PDE3B: variants seen among roughly 807,000 people sequenced by gnomAD.
PDE3B encodes the protein phosphodiesterase 3B, also known as cGMP-inhibited 3',5'-cyclic phosphodiesterase 3B.
PDE3B carries 66 observed loss-of-function variants against 116.8 expected under a neutral mutation model. The observed-to-expected ratio is 0.56, with a 90% CI of 0.46 to 0.69. PDE3B has a LOEUF of 0.69. PDE3B is among the 30% of genes least tolerant of loss of function. The pLI is 0.00. For missense variants in PDE3B, 1,384 were observed against 1,368.1 expected, an observed-to-expected ratio of 1.01 and a Z score of -0.18; for synonymous variants, 595 against 533.6, an observed-to-expected ratio of 1.12 and a Z score of -1.59.
At chr11:14,851,345 G>A (rs1847747418) in intron 12 of PDE3B, among the ~76,000 whole-genome samples, 1 of 151,906 alleles carries the variant, frequency 6.6e-6, no homozygotes, top group Non-Finnish European at 1.5e-5. Flanking sequence ...TTCATTTTCT[G>A]TAGCCATTTT....
chr11:14,846,618 A>C (rs1023654088), intron 12 of PDE3B, among the ~76,000 whole-genome samples: 2 of 152,234 alleles, frequency 1.3e-5, no homozygotes, highest in Non-Finnish European at 2.9e-5. Context: ...AGACACACAT[A>C]GGCTCAAAAT....
intron 1 of PDE3B, among the ~76,000 whole-genome samples, chr11:14,737,430 C>G (rs1441007967): frequency 6.6e-6 from 1 of 151,922 alleles, no homozygotes; most frequent in Non-Finnish European, 1.5e-5. Flanking sequence ...GATCTTCTGA[C>G]CTCGTGATCC....
At chr11:14,739,394 GCT>G (rs138260994) in intron 1 of PDE3B, among the ~76,000 whole-genome samples, 53,387 of 151,580 alleles carry the variant, frequency 0.35, 10,736 homozygotes, top group South Asian at 0.46. Context: ...TCATGATTTG[GCT>G]CTCTGTTTGC....
At chr11:14,777,688 C>T (rs1857828640) in intron 2 of PDE3B, among the ~76,000 whole-genome samples, 1 of 152,096 alleles carries the variant, frequency 6.6e-6, no homozygotes. Context: ...TCCAAGATGG[C>T]TGAATAGGAA....
chr11:14,722,473 C>T (rs1022325060), intron 1 of PDE3B, among the ~76,000 whole-genome samples: 10 of 152,004 alleles, frequency 6.6e-5, no homozygotes, highest in Admixed American at 6.6e-4. Flanking sequence ...AAACTTTTTC[C>T]AAAGACGAAA....
At chr11:14,678,064 G>T (rs993436731) in intron 1 of PDE3B, among the ~76,000 whole-genome samples, 2 of 152,122 alleles carry the variant, frequency 1.3e-5, no homozygotes, top group Non-Finnish European at 2.9e-5. Flanking sequence ...GAGTAGCTGG[G>T]ATTACAGGCA....
chr11:14,734,187 T>C (rs1590100805), intron 1 of PDE3B, among the ~76,000 whole-genome samples: 1 of 152,212 alleles, frequency 6.6e-6, no homozygotes, highest in African/African-American at 2.4e-5. Flanking sequence ...TCCTCCCACT[T>C]CAGCCTCCTG....
chr11:14,766,653 T>G (rs1200897365), intron 1 of PDE3B, among the ~76,000 whole-genome samples: 1 of 151,570 alleles, frequency 6.6e-6, no homozygotes, highest in Non-Finnish European at 1.5e-5. Flanking sequence ...CCAGCCTCTT[T>G]CTGTGAAAAC....
At chr11:14,789,787 G>C (rs972284515) in intron 4 of PDE3B, among the ~76,000 whole-genome samples, 1 of 152,004 alleles carries the variant, frequency 6.6e-6, no homozygotes, top group African/African-American at 2.4e-5. Flanking sequence ...AAAGGCATCA[G>C]TAACTTTAAG....
intron 1 of PDE3B, among the ~76,000 whole-genome samples, chr11:14,750,880 AT>A (rs936439850): frequency 6.6e-6 from 1 of 151,992 alleles, no homozygotes. Flanking sequence ...GATCTCATTC[AT>A]TTTTTTTAGG....
the PDE3B span, chr11:14,885,775 C>A: frequency 6.2e-7 from 1 of 1,612,054 alleles, no homozygotes; most frequent in Non-Finnish European, 8.5e-7. Flanking sequence ...AATAAACATA[C>A]CTCCCATTTT....
chr11:14,893,154 A>G, the PDE3B span, among the ~76,000 whole-genome samples: 1 of 152,236 alleles, frequency 6.6e-6, no homozygotes, highest in African/African-American at 2.4e-5. Flanking sequence ...CTATGTTCCC[A>G]TGTCCTAAGC....
chr11:14,644,195 G>T lies in PDE3B; in HGVS notation c.120G>T (p.Arg40=). The T allele has an allele frequency of 6.3e-7, 1 of 1,597,050 alleles. No homozygotes were observed. Among genetic ancestry groups the T allele is most frequent in the African/African-American group, 1.3e-5 (1 of 74,230 alleles). The part of the protein sequence containing the change: ...GYVKSCVSPL[R]QDPPRGFFFH... The stretch of plus-strand genomic sequence containing the variant: ...TGAAGAGCTGCGTGAGCCCCTTGCG[G>T]CAGGACCCTCCGCGCGGCTTCTTCT... Residue 40 remains arginine, a synonymous_variant, in exon 1 of 16, where the codon CGG becomes CGT. Coordinates refer to ENST00000282096, the MANE Select transcript of PDE3B (RefSeq NM_000922.4).
intron 4 of PDE3B, among the ~76,000 whole-genome samples, chr11:14,802,444 C>T (rs891504886): frequency 6.6e-6 from 1 of 152,156 alleles, no homozygotes; most frequent in Non-Finnish European, 1.5e-5. Context: ...AGGTGATGCC[C>T]CACCCTGCTT....
At chr11:14,786,930 A>G (rs1365029711) in intron 3 of PDE3B, among the ~76,000 whole-genome samples, 1 of 152,038 alleles carries the variant, frequency 6.6e-6, no homozygotes, top group Non-Finnish European at 1.5e-5. Flanking sequence ...CTTGTTAAGA[A>G]GTAGAGAACA....
chr11:14,702,738 G>T (rs1003798400), intron 1 of PDE3B, among the ~76,000 whole-genome samples: 1 of 151,920 alleles, frequency 6.6e-6, no homozygotes, highest in Non-Finnish European at 1.5e-5. Flanking sequence ...ACATTAGACA[G>T]TGCAGATATA....
chr11:14,798,838 C>G (rs11828911), intron 4 of PDE3B, among the ~76,000 whole-genome samples: 1 of 152,020 alleles, frequency 6.6e-6, no homozygotes, highest in Middle Eastern at 3.4e-3. Context: ...CCTTATTAGC[C>G]TGGCTAGTGG....
downstream of PDE3B, among the ~76,000 whole-genome samples, chr11:14,873,282 T>G (rs1555009319): frequency 1.3e-5 from 2 of 152,214 alleles, no homozygotes; most frequent in Admixed American, 6.5e-5. Context: ...TTCTATTTTG[T>G]AGAATGAAAG....
At chr11:14,646,360 T>A (rs571653033) in intron 1 of PDE3B, among the ~76,000 whole-genome samples, 1 of 152,320 alleles carries the variant, frequency 6.6e-6, no homozygotes, top group South Asian at 2.1e-4. Context: ...GACACAATAC[T>A]TTGCTTCTTG....
Sources: allele counts gnomAD v4.1 joint callset (sites outside exome capture counted in the v4.1 genomes callset), GRCh38; gene constraint gnomAD v4.1.1; transcripts MANE v1.5; gene names NCBI Gene and HGNC (gene_info 2026-07-23, HGNC 2026-07-21).